Variants in SGK1 observed in about 807,000 individuals in gnomAD.
SGK1 encodes serine/threonine-protein kinase Sgk1.
SGK1 carries 26 observed loss-of-function variants against 64.2 expected under a neutral mutation model. The observed-to-expected ratio is 0.40, with a 90% CI of 0.30 to 0.56. The LOEUF (loss-of-function observed/expected upper bound fraction) is 0.56. SGK1 is among the 20% of genes least tolerant of loss of function. SGK1 has a pLI of 0.38. For missense variants in SGK1, 519 were observed against 645.6 expected (o/e 0.80, Z 2.12); for synonymous variants, 265 against 239.7 (o/e 1.11, Z -0.98).
intron 2 of SGK1, among the ~76,000 whole-genome samples, chr6:134,234,577 G>T (rs564695252): frequency 6.6e-6 from 1 of 151,990 alleles, no homozygotes; most frequent in Non-Finnish European, 1.5e-5. Flanking sequence ...TGGAATTCAC[G>T]TTTAAAGACT....
At chr6:134,207,255 A>T in intron 3 of SGK1, 101 bp downstream of exon 3, 1 of 783,384 alleles carries the variant, frequency 1.3e-6, no homozygotes, top group Non-Finnish European at 2.1e-6. Flanking sequence ...AAACAAACAA[A>T]CAAAAAAATA....
chr6:134,246,829 G>A (rs1671908657), intron 2 of SGK1, among the ~76,000 whole-genome samples: 1 of 152,092 alleles, frequency 6.6e-6, no homozygotes, highest in East Asian at 1.9e-4. Flanking sequence ...CTGACCTCAG[G>A]TGACCCACTC....
chr6:134,312,108 A>C (rs2114803464), intron 1 of SGK1, among the ~76,000 whole-genome samples: 1 of 152,318 alleles, frequency 6.6e-6, no homozygotes, highest in East Asian at 1.9e-4. Context: ...CTGCTGGTAA[A>C]CGAACTACCT....
intron 2 of SGK1, among the ~76,000 whole-genome samples, chr6:134,252,968 T>C (rs1012040586): frequency 6.6e-6 from 1 of 152,190 alleles, no homozygotes; most frequent in African/African-American, 2.4e-5. Context: ...CTGATTTAAG[T>C]ATATTTTTTA....
chr6:134,312,517 AAGG>A (rs1354257612), intron 1 of SGK1, among the ~76,000 whole-genome samples: 1 of 152,146 alleles, frequency 6.6e-6, no homozygotes, highest in East Asian at 1.9e-4. Context: ...TTATTAGAGA[AAGG>A]AGGAGGCCAG....
chr6:134,257,502 C>A (rs958287837), intron 2 of SGK1, among the ~76,000 whole-genome samples: 4 of 152,192 alleles, frequency 2.6e-5, no homozygotes, highest in Non-Finnish European at 4.4e-5. Flanking sequence ...AACATTCTTA[C>A]CTCGTTTTCT....
At chr6:134,235,235 C>T (rs1582732833) in intron 2 of SGK1, among the ~76,000 whole-genome samples, 2 of 152,144 alleles carry the variant, frequency 1.3e-5, no homozygotes, top group South Asian at 4.1e-4. Flanking sequence ...AATAAGATAG[C>T]AGCTTCTTTG....
intron 3 of SGK1, among the ~76,000 whole-genome samples, chr6:134,203,367 A>G (rs1338306773): frequency 6.6e-6 from 1 of 152,252 alleles, no homozygotes; most frequent in Non-Finnish European, 1.5e-5. Context: ...AACCTATTCA[A>G]ATAATCCTAG....
intron 3 of SGK1, among the ~76,000 whole-genome samples, chr6:134,200,313 A>G (rs974412495): frequency 6.6e-6 from 1 of 152,200 alleles, no homozygotes; most frequent in South Asian, 2.1e-4. Flanking sequence ...TTTTTTCCCT[A>G]TGATGAGCAT....
intron 1 of SGK1, among the ~76,000 whole-genome samples, chr6:134,271,977 G>T (rs1284882535): frequency 6.8e-6 from 1 of 146,660 alleles, no homozygotes; most frequent in Non-Finnish European, 1.5e-5. Context: ...GAGTAACTAG[G>T]ACTACAGGCA....
intron 1 of SGK1, among the ~76,000 whole-genome samples, chr6:134,279,848 G>A (rs1777068168): frequency 6.6e-6 from 1 of 152,122 alleles, no homozygotes; most frequent in Non-Finnish European, 1.5e-5. Context: ...CTATATTACA[G>A]TCTGGTTAAG....
intron 1 of SGK1, among the ~76,000 whole-genome samples, chr6:134,282,664 T>C (rs1333389776): frequency 1.3e-5 from 2 of 149,114 alleles, no homozygotes; most frequent in Admixed American, 1.3e-4. Flanking sequence ...AAAAAAAAAA[T>C]AAAATAAAAG....
chr6:134,291,548 A>G (rs1777264418), intron 1 of SGK1, among the ~76,000 whole-genome samples: 1 of 152,160 alleles, frequency 6.6e-6, no homozygotes, highest in Non-Finnish European at 1.5e-5. Context: ...CCTAATGTTA[A>G]TCAGTTGTTT....
At chr6:134,223,456 AAG>A (rs1462565981) in intron 2 of SGK1, among the ~76,000 whole-genome samples, 2 of 152,110 alleles carry the variant, frequency 1.3e-5, no homozygotes, top group African/African-American at 4.8e-5. Flanking sequence ...GTATGGGGAA[AAG>A]AGAAATGTTG....
rs543949047 is a variant in SGK1, at chr6:134,242,441, G to A, written c.285+19492C>T. ...GCGGAGGTTGCAGCGAGCTGAGATCGCGCCATTGCACTCCAGCTTGGGCAA... is the reference window on the plus strand; with the variant it reads ...GCGGAGGTTGCAGCGAGCTGAGATCACGCCATTGCACTCCAGCTTGGGCAA... On this transcript the variant is annotated intron_variant, in intron 2 of 13. Transcript: ENST00000367858. Among the ~76,000 whole-genome samples, 16 of 151,838 alleles carry A rather than the reference G, an allele frequency of 1.1e-4. No homozygotes were observed. The East Asian group carries it at 1.7e-3, about 17-fold the overall frequency.
At chr6:134,178,009 C>T in intron 3 of SGK1, 1 of 584,114 alleles carries the variant, frequency 1.7e-6, no homozygotes, top group South Asian at 2.3e-5. Flanking sequence ...CCAGCACGCA[C>T]ACAAGAAATG....
chr6:134,265,995 A>G (rs979208318), intron 1 of SGK1, among the ~76,000 whole-genome samples: 2 of 150,968 alleles, frequency 1.3e-5, no homozygotes, highest in East Asian at 2.0e-4. Context: ...ATTTATTTAT[A>G]TTTATTAAGA....
intron 1 of SGK1, among the ~76,000 whole-genome samples, chr6:134,296,539 C>G (rs138501810): frequency 6.6e-6 from 1 of 152,128 alleles, no homozygotes; most frequent in Non-Finnish European, 1.5e-5. Context: ...CCAAGCTGGT[C>G]TTGAACTCCC....
intron 3 of SGK1, chr6:134,175,430 C>T: frequency 1.5e-6 from 2 of 1,310,386 alleles, no homozygotes; most frequent in Non-Finnish European, 1.9e-6. Flanking sequence ...CAGGTCCTCC[C>T]GTTCCCGCCG....
Sources: gnomAD v4.1 joint callset for allele counts (sites outside exome capture counted in the v4.1 genomes callset) on GRCh38, gnomAD v4.1.1 for gene constraint, MANE v1.5 for transcripts, NCBI Gene and HGNC (gene_info 2026-07-23, HGNC 2026-07-21) for gene names.